RIMBP2: variants seen among roughly 807,000 people sequenced by gnomAD.
The protein encoded by RIMBP2 is RIMS-binding protein 2.
A neutral mutation model predicts 118.6 loss-of-function variants in RIMBP2; 48 were observed. That is an observed-to-expected ratio of 0.40 (90% confidence interval 0.32 to 0.51). RIMBP2 has a LOEUF of 0.51. RIMBP2 is among the 20% of genes least tolerant of loss of function. The pLI, the probability that RIMBP2 is intolerant of heterozygous loss-of-function variation, is 0.41. For synonymous variants in RIMBP2, 762 were observed against 742.9 expected (o/e 1.03, Z -0.42); for missense variants, 1,551 against 1,768.3 (o/e 0.88, Z 2.20).
At position 130,399,736 on chromosome 12, in the gene RIMBP2, A is replaced by AAGAT. The variant is rs767421705; in HGVS notation, c.3839_3842dup (p.Asp1283PhefsTer2). The AAGAT allele has an allele frequency of 6.2e-7, 1 of 1,614,220 alleles. No individual in the cohort carries two copies. The highest frequency in any genetic ancestry group is 1.3e-5 in the African/African-American group (1 of 75,066). ...GAGAGTAGTGGGATGGAGCATCAGA[A>AAGAT]AGATAGACTTCTACGTCATCAGGCA... On this transcript the variant is annotated frameshift_variant, in exon 22 of 23. Coordinates refer to ENST00000690449, the MANE Select transcript of RIMBP2 (RefSeq NM_001393629.1). LOFTEE classifies it high-confidence loss of function.
chr12:130,496,840 C>T (rs1317418167), intron 4 of RIMBP2, among the ~76,000 whole-genome samples: 1 of 152,172 alleles, frequency 6.6e-6, no homozygotes, highest in African/African-American at 2.4e-5. Context: ...AGTTGTTCTG[C>T]CCAGGCCATC....
Position 130,442,127 on chromosome 12 carries a change from C to A in RIMBP2, c.1225G>T (p.Val409Leu), listed in dbSNP as rs1251605689. ...TCCACCCGCAGGTGGGAGGGGGCCA[C>A]CACCACGTCCTTGCCCACCAGCAGC... Reference protein sequence around the residue: ...CTLLVGKDVVVAPSHLRVDNI... With the variant: ...CTLLVGKDVVLAPSHLRVDNI... Residue 409 changes from valine to leucine, a missense_variant, in exon 11 of 23, where the codon GTG becomes TTG. Around this residue, in one of 5 missense-constraint regions of RIMBP2, gnomAD observed 265 missense variants for 349.5 expected, o/e 0.76. Transcript: ENST00000690449. This position sits in a 1 kb window ranked among gnomAD's most constrained non-coding sequence, Gnocchi z 6.9. 6.2e-7 allele frequency: 1 copy of A among 1,614,142 alleles called. No homozygotes were observed. Among genetic ancestry groups the A allele is most frequent in the Admixed American group, 1.7e-5 (1 of 60,018 alleles).
intron 2 of RIMBP2, among the ~76,000 whole-genome samples, chr12:130,603,347 A>T (rs905503286): frequency 6.6e-6 from 1 of 152,126 alleles, no homozygotes; most frequent in Admixed American, 6.5e-5. Flanking sequence ...ACATCCTATA[A>T]CCCTACTAAC....
rs1238850574 is a variant in RIMBP2, at chr12:130,396,515, G to A, written c.*846C>T. 1 of 152,604 alleles carries A rather than the reference G, an allele frequency of 6.6e-6. No individual in the cohort carries two copies. The highest frequency in any genetic ancestry group is 2.4e-5 in the African/African-American group (1 of 41,460). 9.5% of individuals were successfully genotyped at this position (152,604 alleles called of 1,614,324 possible). A position where few individuals can be genotyped will look rare whatever the true frequency, so the allele number is the denominator to read the frequency against. On this transcript the variant is annotated 3_prime_UTR_variant, in exon 23 of 23. Transcript: ENST00000690449. ...TTTGGAGCAGATTTAAATTGAGTCT[G>A]GTTTTGGTGTGGCTTATGCATTATG...
At chr12:130,401,167 G>C (rs2074517278) in intron 21 of RIMBP2, among the ~76,000 whole-genome samples, 1 of 151,968 alleles carries the variant, frequency 6.6e-6, no homozygotes, top group South Asian at 2.1e-4. Context: ...CCAGGCTGAA[G>C]TGCAGTAGCG....
chr12:130,619,176 G>A lies in RIMBP2; in HGVS notation c.-217+9146C>T, dbSNP rs533254253. Among the ~76,000 whole-genome samples, 14 of 152,206 alleles carry A rather than the reference G, an allele frequency of 9.2e-5. No homozygotes were observed. The South Asian group carries it at 1.2e-3, about 14-fold the overall frequency. ...AATTATTTATTCCACAAACTTCTGCGCTATTTTCAGAGCAGCTTTCCAGGT... is the reference window on the plus strand; with the variant it reads ...AATTATTTATTCCACAAACTTCTGCACTATTTTCAGAGCAGCTTTCCAGGT... On this transcript the variant is annotated intron_variant, in intron 2 of 22. Coordinates refer to ENST00000690449, the MANE Select transcript of RIMBP2 (RefSeq NM_001393629.1).
At position 130,683,848 on chromosome 12, in the gene RIMBP2, G is replaced by A. The variant is rs1018438010; in HGVS notation, c.-352+32374C>T. 2.0e-5 allele frequency among the ~76,000 whole-genome samples: 3 copies of A among 152,132 alleles called. No homozygotes were observed. The highest frequency in any genetic ancestry group is 7.2e-5 in the African/African-American group (3 of 41,426). On this transcript the variant is annotated intron_variant, in intron 1 of 22. Coordinates refer to ENST00000690449, the MANE Select transcript of RIMBP2 (RefSeq NM_001393629.1). This position sits in a 1 kb window ranked among gnomAD's most constrained non-coding sequence, Gnocchi z 4.4. Reference sequence around the variant, plus strand: ...TAATTAAGAAATAACCATAAAAATAGGCAACCAGCAGCCCTCGGGGTTGTC... The same window carrying A: ...TAATTAAGAAATAACCATAAAAATAAGCAACCAGCAGCCCTCGGGGTTGTC...
At chr12:130,629,577 G>C (rs1198958015) in intron 1 of RIMBP2, among the ~76,000 whole-genome samples, 1 of 152,168 alleles carries the variant, frequency 6.6e-6, no homozygotes, top group African/African-American at 2.4e-5. Context: ...GGTCATAACA[G>C]CCAAGTGCTA....
chr12:130,576,741 A>G lies in RIMBP2; in HGVS notation c.-217+51581T>C, dbSNP rs937102017. On this transcript the variant is annotated intron_variant, in intron 2 of 22. Transcript: ENST00000690449. The surrounding 1 kb of genome is among the most constrained non-coding windows in gnomAD (Gnocchi z 4.2). Reference sequence around the variant, plus strand: ...GGAGCCCCGCCGAGCGCCGAGAGGCATATGTGCGCACCACATGCCACAAAC... The same window carrying G: ...GGAGCCCCGCCGAGCGCCGAGAGGCGTATGTGCGCACCACATGCCACAAAC... Among the ~76,000 whole-genome samples the G allele has an allele frequency of 1.3e-5, 2 of 152,230 alleles. No individual in the cohort carries two copies. Among genetic ancestry groups the G allele is most frequent in the African/African-American group, 4.8e-5 (2 of 41,472 alleles).
In RIMBP2 at chr12:130,710,076, C is replaced by G. The variant is rs1949795341; in HGVS notation, c.-352+6146G>C. On this transcript the variant is annotated intron_variant, in intron 1 of 22. Transcript: ENST00000690449. The surrounding 1 kb of genome is among the most constrained non-coding windows in gnomAD (Gnocchi z 4.3). ...GAGCTCACGGGTGGACACCGAGGGT[C>G]TCCAGGAGAGGGGTTGGCTCTGCAG... Among the ~76,000 whole-genome samples the G allele has an allele frequency of 6.6e-6, 1 of 152,178 alleles. No individual in the cohort carries two copies. Among genetic ancestry groups the G allele is most frequent in the Non-Finnish European group, 1.5e-5 (1 of 68,024 alleles).
In RIMBP2 at chr12:130,622,766, A is replaced by C. The variant is rs2061397018; in HGVS notation, c.-217+5556T>G. Among the ~76,000 whole-genome samples the C allele has an allele frequency of 6.6e-6, 1 of 152,194 alleles. No individual in the cohort carries two copies. Among genetic ancestry groups the C allele is most frequent in the Non-Finnish European group, 1.5e-5 (1 of 68,036 alleles). On this transcript the variant is annotated intron_variant, in intron 2 of 22. Coordinates refer to ENST00000690449, the MANE Select transcript of RIMBP2 (RefSeq NM_001393629.1). This position sits in a 1 kb window ranked among gnomAD's most constrained non-coding sequence, Gnocchi z 8.5. ...AAATATTGGGCTAGTTGGCAGATTT[A>C]GGCAATGCCTCCACTAGGCTGATAG... is the stretch of plus-strand genomic sequence containing the variant.
chr12:130,592,463 G>A (rs1483124257), intron 2 of RIMBP2, among the ~76,000 whole-genome samples: 1 of 152,126 alleles, frequency 6.6e-6, no homozygotes, highest in Non-Finnish European at 1.5e-5. Context: ...GGCTGAGGAG[G>A]GTGGATTACG....
At chr12:130,410,684 T>A (rs1472712449) in intron 19 of RIMBP2, among the ~76,000 whole-genome samples, 1 of 152,250 alleles carries the variant, frequency 6.6e-6, no homozygotes, top group Admixed American at 6.5e-5. Context: ...TGTTGGTCTG[T>A]TTCTGGACTT....
Position 130,450,817 on chromosome 12 carries a change from C to A in RIMBP2, c.504+378G>T, listed in dbSNP as rs187177429. Among the ~76,000 whole-genome samples the A allele has an allele frequency of 1.6e-3, 250 of 152,264 alleles. No homozygotes were observed. Among genetic ancestry groups the A allele is most frequent in the Admixed American group, 4.2e-3 (65 of 15,302 alleles). ...CCGCCCCCTCTCCAGCCACACCAGC[C>A]CCTTCCCATCAATGCCACAGGACAG... is the stretch of plus-strand genomic sequence containing the variant. On this transcript the variant is annotated intron_variant, in intron 8 of 22. Transcript: ENST00000690449. The surrounding 1 kb of genome is among the most constrained non-coding windows in gnomAD (Gnocchi z 4.8).
intron 6 of RIMBP2, among the ~76,000 whole-genome samples, chr12:130,467,641 A>C (rs1447969095): frequency 6.6e-6 from 1 of 152,184 alleles, no homozygotes; most frequent in Non-Finnish European, 1.5e-5. Context: ...CCCTGTCTTA[A>C]TAAATTGGCT....
At chr12:130,600,672 C>G (rs1033748937) in intron 2 of RIMBP2, among the ~76,000 whole-genome samples, 26 of 152,196 alleles carry the variant, frequency 1.7e-4, no homozygotes, top group Non-Finnish European at 7.3e-5. Context: ...AGAGACATTC[C>G]AACACTGCCA....
intron 4 of RIMBP2, among the ~76,000 whole-genome samples, chr12:130,493,576 A>C (rs888827647): frequency 1.1e-4 from 16 of 152,036 alleles, no homozygotes; most frequent in African/African-American, 3.4e-4. Context: ...CAACCTCCCA[A>C]AGTGCTGGGA....
In RIMBP2 at chr12:130,637,220, C is replaced by T. The variant is rs534292693; in HGVS notation, c.-351-8764G>A. Among the ~76,000 whole-genome samples the T allele has an allele frequency of 9.2e-5, 14 of 152,210 alleles. 1 individual carries two copies. The highest frequency in any genetic ancestry group is 1.8e-4 in the Non-Finnish European group (12 of 68,036). ...GATCACCTCTCAGCAGAGGCTAAAG[C>T]CCCACCGCATCTCCCCATCCCATCA... On this transcript the variant is annotated intron_variant, in intron 1 of 22. Coordinates refer to ENST00000690449, the MANE Select transcript of RIMBP2 (RefSeq NM_001393629.1).
intron 2 of RIMBP2, among the ~76,000 whole-genome samples, chr12:130,557,514 C>A (rs2056465136): frequency 6.6e-6 from 1 of 152,294 alleles, no homozygotes; most frequent in African/African-American, 2.4e-5. Context: ...GGCTCAGAAG[C>A]AGAAGCCCCT....
Sources: gnomAD v4.1 joint callset for allele counts (sites outside exome capture counted in the v4.1 genomes callset) on GRCh38, gnomAD v4.1.1 for gene constraint, gnomAD v4.1.1 regional missense constraint, Gnocchi (gnomAD v3.1) non-coding constraint, MANE v1.5 for transcripts, NCBI Gene and HGNC (gene_info 2026-07-23, HGNC 2026-07-21) for gene names.